TMEM161A: variants seen among roughly 807,000 people sequenced by gnomAD.
TMEM161A encodes adaptive response to oxidative stress protein 29.
A neutral mutation model predicts 57.1 loss-of-function variants in TMEM161A; 46 were observed. The ratio of observed to expected loss-of-function variants is 0.81; its 90% CI spans 0.64 to 1.03. The LOEUF is 1.03. Among genes scored for constraint, TMEM161A ranks in the 50% least tolerant of loss-of-function variants. The pLI is 0.00. For missense variants in TMEM161A, 601 were observed against 621.5 expected (o/e 0.97, Z 0.35); for synonymous variants, 288 against 279.0 (o/e 1.03, Z -0.32).
rs1164105902 is a variant in TMEM161A at position 19,120,847 on chromosome 19, G to A, written c.1104C>T (p.Tyr368=). ...GCAAGCTCACCACGGTCACATAGCA[G>A]TAGACTCGGACCACCTGTGGGCAGG... The part of the protein sequence containing the change: ...REIQQRVVRV[Y]CYVTVVSLQY... The change falls in exon 11 of 12, where the codon TAC becomes TAT. Residue 368 remains tyrosine (Y), a synonymous_variant. Coordinates refer to ENST00000162044, the MANE Select transcript of TMEM161A (RefSeq NM_017814.3). 1.2e-6 allele frequency: 2 copies of A among 1,613,426 alleles called. No individual in the cohort carries two copies. Among genetic ancestry groups the A allele is most frequent in the Non-Finnish European group, 1.7e-6 (2 of 1,180,026 alleles).
intron 6 of TMEM161A, among the ~76,000 whole-genome samples, chr19:19,125,491 C>T (rs1483306628): frequency 1.3e-5 from 2 of 149,558 alleles, no homozygotes; most frequent in Admixed American, 1.3e-4. Flanking sequence ...GCTGGGATTA[C>T]AGGTGCATGC....
At chr19:19,127,442 C>T (rs966201376) in intron 6 of TMEM161A, among the ~76,000 whole-genome samples, 17 of 151,758 alleles carry the variant, frequency 1.1e-4, no homozygotes, top group Non-Finnish European at 2.2e-4. Flanking sequence ...CCCTCAGCCT[C>T]CCGAGTAGCT....
chr19:19,119,914 G>A lies in TMEM161A; in HGVS notation c.*16C>T. The A allele has an allele frequency of 6.4e-7, 1 of 1,551,280 alleles. No homozygotes were observed. Among genetic ancestry groups the A allele is most frequent in the East Asian group, 2.4e-5 (1 of 41,080 alleles). On this transcript the variant is annotated 3_prime_UTR_variant, in exon 12 of 12. Transcript: ENST00000162044. ...CCAGGAACAGACCTCAGGGCCCCAGGAGGGTCTGCAGGCAGCTAGGAGCCT... is the reference window on the plus strand; with the variant it reads ...CCAGGAACAGACCTCAGGGCCCCAGAAGGGTCTGCAGGCAGCTAGGAGCCT...
chr19:19,133,963 G>C (rs1294485690), intron 2 of TMEM161A, among the ~76,000 whole-genome samples: 2 of 151,950 alleles, frequency 1.3e-5, no homozygotes. Flanking sequence ...TAGAGACAGG[G>C]TCTTGCCATG....
intron 1 of TMEM161A, 79 bp downstream of exon 1, chr19:19,138,347 T>C: frequency 6.4e-7 from 1 of 1,554,060 alleles, no homozygotes; most frequent in Non-Finnish European, 8.7e-7. Flanking sequence ...CCCCAATCCA[T>C]TCCCTCAGTG....
At chr19:19,133,851 A>G (rs555351444) in intron 2 of TMEM161A, among the ~76,000 whole-genome samples, 2 of 151,798 alleles carry the variant, frequency 1.3e-5, no homozygotes, top group Non-Finnish European at 2.9e-5. Flanking sequence ...CTCACTGCAG[A>G]TTTGACTTTC....
intron 5 of TMEM161A, chr19:19,130,531 G>C: frequency 1.7e-6 from 1 of 573,580 alleles, no homozygotes; most frequent in African/African-American, 1.9e-5. Context: ...CACCGTGTCT[G>C]TACAGCCTCC....
At chr19:19,131,444 TCAA>T (rs1240873023) in intron 5 of TMEM161A, among the ~76,000 whole-genome samples, 4 of 151,728 alleles carry the variant, frequency 2.6e-5, no homozygotes, top group East Asian at 3.9e-4. Flanking sequence ...AGATCCTGTC[TCAA>T]CAACAACAAC....
At chr19:19,125,737 C>T (rs940576284) in intron 6 of TMEM161A, among the ~76,000 whole-genome samples, 4 of 151,852 alleles carry the variant, frequency 2.6e-5, no homozygotes, top group East Asian at 1.9e-4. Context: ...AGGATGGTCT[C>T]GATCTGCCGA....
intron 2 of TMEM161A, 125 bp downstream of exon 2, chr19:19,134,659 A>C (rs1176341221): frequency 1.5e-6 from 1 of 653,670 alleles, no homozygotes; most frequent in Non-Finnish European, 2.6e-6. Flanking sequence ...TTACACCTCA[A>C]CAACGTTTTT....
intron 6 of TMEM161A, among the ~76,000 whole-genome samples, chr19:19,122,623 T>A (rs1403908353): frequency 6.6e-6 from 1 of 151,572 alleles, no homozygotes. Context: ...CTACAAAAAA[T>A]ACAAAACCAG....
intron 1 of TMEM161A, among the ~76,000 whole-genome samples, chr19:19,136,816 C>G (rs2059986752): frequency 6.6e-6 from 1 of 151,952 alleles, no homozygotes; most frequent in South Asian, 2.1e-4. Context: ...CATTGCTCGC[C>G]CTCCCCGGGA....
rs961803618 is a variant in TMEM161A, at chr19:19,138,395, G to A, written c.3+31C>T. 1.1e-5 allele frequency: 18 copies of A among 1,599,590 alleles called. No homozygotes were observed. In the African/African-American group the frequency reaches 2.0e-4, roughly 18 times the overall value. ...CCTTCGGCTGGACCTCGGCCCTGCAGAACCCCCCACTTCGCGGGACGCTCG... is the reference window on the plus strand; with the variant it reads ...CCTTCGGCTGGACCTCGGCCCTGCAAAACCCCCCACTTCGCGGGACGCTCG... On this transcript the variant is annotated intron_variant, in intron 1 of 11. Transcript: ENST00000162044.
rs772918361 is a variant in TMEM161A, at chr19:19,121,667, G to A, written c.658C>T (p.Leu220Phe). ...LLKKQGWDWA[L>F]PVAKLAIRVG... is the part of the protein sequence containing the mutation. Reference sequence around the variant, plus strand: ...CGGATAGCCAGCTTGGCCACAGGAAGCCTAGGAGAACACCAGGTCACGAGC... The same window carrying A: ...CGGATAGCCAGCTTGGCCACAGGAAACCTAGGAGAACACCAGGTCACGAGC... The change falls in exon 8 of 12, where the codon CTT (leucine) becomes TTT (phenylalanine). Residue 220 changes from leucine (L) to phenylalanine (F), a missense_variant and splice_region_variant. By Grantham distance (22) the Leu-to-Phe change is conservative. Coordinates refer to ENST00000162044, the MANE Select transcript of TMEM161A (RefSeq NM_017814.3). This position sits in a 1 kb window ranked among gnomAD's most constrained non-coding sequence, Gnocchi z 5.8. 1 of 1,613,368 alleles carries A rather than the reference G, an allele frequency of 6.2e-7. No homozygotes were observed. Among genetic ancestry groups the A allele is most frequent in the African/African-American group, 1.3e-5 (1 of 74,882 alleles).
chr19:19,119,577 C>T lies in TMEM161A; in HGVS notation c.*353G>A. The T allele has an allele frequency of 3.6e-6, 1 of 278,994 alleles. No homozygotes were observed. The highest frequency in any genetic ancestry group is 7.7e-5 in the East Asian group (1 of 13,044). 17.3% of individuals were successfully genotyped at this position (278,994 alleles called of 1,614,324 possible). A position where few individuals can be genotyped will look rare whatever the true frequency, so the allele number is the denominator to read the frequency against. ...CCACAGGGACGTGCAAGACAGCTAC[C>T]ACCCTGCACAAGCCCGAGTCCCAAA... On this transcript the variant is annotated 3_prime_UTR_variant, in exon 12 of 12. Transcript: ENST00000162044.
rs1353599086 is a variant in TMEM161A at position 19,121,566 on chromosome 19, G to C, written c.759C>G (p.His253Gln). 3.1e-6 allele frequency: 5 copies of C among 1,613,916 alleles called. No individual in the cohort carries two copies. Among genetic ancestry groups the C allele is most frequent in the Non-Finnish European group, 4.2e-6 (5 of 1,179,948 alleles). ...TFPGLRLAQTHRDALTMSEDR... is the reference protein window; with the variant it reads ...TFPGLRLAQTQRDALTMSEDR... Reference sequence around the variant, plus strand: ...CCTCCGACATGGTCAGTGCGTCCCGGTGGGTCTGGGCCAGCCGCAGGCCTG... The same window carrying C: ...CCTCCGACATGGTCAGTGCGTCCCGCTGGGTCTGGGCCAGCCGCAGGCCTG... The change falls in exon 8 of 12, where the codon CAC becomes CAG. Residue 253 changes from histidine to glutamine, a missense_variant. By Grantham distance (24) the His-to-Gln change is conservative. Transcript: ENST00000162044. The surrounding 1 kb of genome is among the most constrained non-coding windows in gnomAD (Gnocchi z 5.8).
In TMEM161A at chr19:19,132,478, A is replaced by C; in HGVS notation, c.317T>G (p.Phe106Cys). The change falls in exon 5 of 12, where the codon TTT becomes TGT. Residue 106 changes from phenylalanine to cysteine, a missense_variant. Phe to Cys is a radical substitution (Grantham distance 205, BLOSUM62 -2). Coordinates refer to ENST00000162044, the MANE Select transcript of TMEM161A (RefSeq NM_017814.3). This position sits in a 1 kb window ranked among gnomAD's most constrained non-coding sequence, Gnocchi z 4.3. The stretch of plus-strand genomic sequence containing the variant: ...GCCCGAGTACACAGCAAAGTCCACA[A>C]ACCACTGGTACTCCAGGAAGAAGCG... ...VLRFFLEYQW[F>C]VDFAVYSGGV... 1 of 1,614,080 alleles carries C rather than the reference A, an allele frequency of 6.2e-7. No homozygotes were observed. The highest frequency in any genetic ancestry group is 8.5e-7 in the Non-Finnish European group (1 of 1,179,988).
At chr19:19,126,017 G>C (rs947985756) in intron 6 of TMEM161A, among the ~76,000 whole-genome samples, 1 of 151,900 alleles carries the variant, frequency 6.6e-6, no homozygotes. Context: ...TGTAATCCCA[G>C]CACTTTGGGA....
At position 19,121,496 on chromosome 19, in the gene TMEM161A, C is replaced by G. The variant is rs199547064; in HGVS notation, c.800+29G>C. On this transcript the variant is annotated intron_variant, in intron 8 of 11. Transcript: ENST00000162044. The surrounding 1 kb of genome is among the most constrained non-coding windows in gnomAD (Gnocchi z 5.8). ...GAGTCTCTCCCTTAAGCTCCCTAGT[C>G]CCCCCACCCACCAAGCGACCCACTT... 1 of 1,613,378 alleles carries G rather than the reference C, an allele frequency of 6.2e-7. No homozygotes were observed. The highest frequency in any genetic ancestry group is 8.5e-7 in the Non-Finnish European group (1 of 1,179,510).
Sources: allele counts gnomAD v4.1 joint callset (sites outside exome capture counted in the v4.1 genomes callset), GRCh38; gene constraint gnomAD v4.1.1; non-coding constraint Gnocchi (gnomAD v3.1); transcripts MANE v1.5; gene names NCBI Gene and HGNC (gene_info 2026-07-23, HGNC 2026-07-21).